The following SMTN variants were observed in gnomAD, a reference collection of about 807,000 sequenced individuals.
SMTN encodes the protein smoothelin.
In SMTN, 58 loss-of-function variants were observed where a neutral mutation model predicts 102.0. The observed-to-expected ratio is 0.57, with a 90% CI of 0.46 to 0.71. SMTN has a LOEUF of 0.71. Among genes scored for constraint, SMTN ranks in the 30% least tolerant of loss-of-function variants. The pLI is 0.00. For missense variants in SMTN, 1,185 were observed against 1,241.7 expected (o/e 0.95, Z 0.69); for synonymous variants, 478 against 497.9 (o/e 0.96, Z 0.53).
At chr22:31,097,240 C>A (rs1030193376) in intron 15 of SMTN, 29 bp from the exon 16 acceptor site, 10 of 1,611,848 alleles carry the variant, frequency 6.2e-6, no homozygotes, top group Non-Finnish European at 8.5e-6. Flanking sequence ...CCCAGGCCCT[C>A]ACCTGGTGCC....
At position 31,088,006 on chromosome 22, in the gene SMTN, C is replaced by T. The variant is rs1422337789; in HGVS notation, c.93C>T (p.Arg31=). The T allele has an allele frequency of 1.2e-6, 2 of 1,610,202 alleles. No homozygotes were observed. Among genetic ancestry groups the T allele is most frequent in the Non-Finnish European group, 8.5e-7 (1 of 1,177,406 alleles). ...ATCTGGCAGAGCGGCGGCGCATCCG[C>T]TCAGCCATCCGGGAACTGCAGCGGC... The part of the protein sequence containing the change: ...TADLAERRRI[R]SAIRELQRQE... Residue 31 remains arginine (R), a synonymous_variant, in exon 3 of 21, where the codon CGC becomes CGT. Transcript: ENST00000333137.
rs1184357619 is a variant in SMTN, at chr22:31,068,304, CA to C, written c.-386+4130del. The C allele has an allele frequency of 2.5e-3, 335 of 136,538 alleles. 1 individual carries two copies. The highest frequency in any genetic ancestry group is 0.011 in the Middle Eastern group (3 of 272). 8.5% of individuals were successfully genotyped at this position (136,538 alleles called of 1,614,324 possible). On this transcript the variant is annotated intron_variant, in intron 1 of 3. Transcript: ENST00000422839. ...GGGTGACAAGAGTGAAACTCCATCT[CA>C]AAAAAAAAAAAATGTTTTAAAGGGA...
At chr22:31,098,584 C>CT (rs2043793075) in intron 16 of SMTN, 83 bp from the exon 17 acceptor site, 4 of 1,408,366 alleles carry the variant, frequency 2.8e-6, no homozygotes, top group Non-Finnish European at 3.9e-6. Context: ...GCTACAAGAC[C>CT]CCCCCTCCTC....
intron 11 of SMTN, chr22:31,093,971 T>G: frequency 1.2e-6 from 1 of 841,568 alleles, no homozygotes; most frequent in Non-Finnish European, 1.8e-6. Context: ...GAGCCTCAGT[T>G]TATCTATCTT....
At chr22:31,099,370 C>G (rs2043889887) in intron 18 of SMTN, 191 bp downstream of exon 18, 1 of 598,062 alleles carries the variant, frequency 1.7e-6, no homozygotes, top group African/African-American at 1.9e-5. Flanking sequence ...ATTCCAGAAT[C>G]AGTGATGAAG....
intron 3 of SMTN, 189 bp from the exon 4 acceptor site, chr22:31,088,324 A>G: frequency 1.3e-6 from 1 of 756,348 alleles, no homozygotes; most frequent in South Asian, 1.8e-5. Flanking sequence ...TGTAGCCAGC[A>G]CGTCTGAGTG....
chr22:31,104,570 A>T lies in SMTN; in HGVS notation c.*275A>T. Reference sequence around the variant, plus strand: ...CCACCGCTGCCCTGTCTGTTGCGACACCCTCCCCCCCACATACACACGCAG... The same window carrying T: ...CCACCGCTGCCCTGTCTGTTGCGACTCCCTCCCCCCCACATACACACGCAG... On this transcript the variant is annotated 3_prime_UTR_variant, in exon 21 of 21. Coordinates refer to ENST00000333137, the MANE Select transcript of SMTN (RefSeq NM_134269.3). 8.8e-7 allele frequency: 1 copy of T among 1,140,456 alleles called. No homozygotes were observed. The allele number at this position is 1,140,456 out of a possible 1,614,324, so 70.6% of individuals were successfully genotyped here.
At chr22:31,082,754 C>CCCCCA in intron 1 of SMTN, 2 of 1,007,736 alleles carry the variant, frequency 2.0e-6, no homozygotes, top group Non-Finnish European at 2.9e-6. Context: ...AGAAGCTGAG[C>CCCCCA]CTGCGGAGTG....
chr22:31,089,062 T>G (rs1365005619), intron 6 of SMTN, 93 bp downstream of exon 6: 1 of 1,036,538 alleles, frequency 9.6e-7, no homozygotes, highest in Non-Finnish European at 1.5e-6. Context: ...GGTATTTCAC[T>G]GTAAGGGGCC....
intron 2 of SMTN, among the ~76,000 whole-genome samples, chr22:31,084,520 G>A (rs371976041): frequency 1.7e-4 from 26 of 152,154 alleles, no homozygotes; most frequent in African/African-American, 6.3e-4. Context: ...ATGAGGTTAG[G>A]TTTCCAAAGG....
upstream of SMTN, among the ~76,000 whole-genome samples, chr22:31,079,519 G>A (rs1486086356): frequency 6.6e-6 from 1 of 152,250 alleles, no homozygotes; most frequent in Non-Finnish European, 1.5e-5. Flanking sequence ...CGCCATTCAG[G>A]CAGGCCCTGA....
intron 11 of SMTN, 95 bp downstream of exon 11, chr22:31,091,942 C>A: frequency 8.5e-7 from 1 of 1,177,358 alleles, no homozygotes; most frequent in Non-Finnish European, 1.2e-6. Context: ...TGCTCCTCCC[C>A]TACTGCACAC....
At chr22:31,087,804 C>G in intron 2 of SMTN, 161 bp from the exon 3 acceptor site, 1 of 660,654 alleles carries the variant, frequency 1.5e-6, no homozygotes, top group Non-Finnish European at 2.4e-6. Flanking sequence ...TGGGCTGGGT[C>G]TACCCCCGGG....
At chr22:31,084,172 C>T (rs1275596283) in intron 2 of SMTN, among the ~76,000 whole-genome samples, 6 of 152,188 alleles carry the variant, frequency 3.9e-5, no homozygotes, top group Non-Finnish European at 7.3e-5. Context: ...CGTAGGGCAA[C>T]CCAGTGGGGC....
intron 1 of SMTN, among the ~76,000 whole-genome samples, chr22:31,073,869 A>G (rs760450430): frequency 6.9e-4 from 105 of 152,314 alleles, no homozygotes; most frequent in Non-Finnish European, 9.3e-4. Flanking sequence ...TTACTCATGT[A>G]TCTGTGGTCA....
chr22:31,073,529 A>G (rs35060453), intron 1 of SMTN, among the ~76,000 whole-genome samples: 18,010 of 152,198 alleles, frequency 0.12, 1,145 homozygotes, highest in African/African-American at 0.13. Flanking sequence ...GATTCCAGGG[A>G]AAGCCTGGGG....
In SMTN at chr22:31,096,805, C is replaced by T. The variant is rs1445153217; in HGVS notation, c.1934C>T (p.Thr645Ile). 5 of 1,572,570 alleles carry T rather than the reference C, an allele frequency of 3.2e-6. No individual in the cohort carries two copies. The African/African-American group carries it at 5.4e-5, about 17-fold the overall frequency. ...CGGCCAGGGGAGGGGCGCGGCAACA[C>T]AGCCACTGAGACCACCACGAGGCAC... Reference protein sequence around the residue: ...RGRPGEGRGNTATETTTRHSQ... With the variant: ...RGRPGEGRGNIATETTTRHSQ... Residue 645 changes from threonine to isoleucine, a missense_variant, in exon 14 of 21, where the codon ACA (threonine) becomes ATA (isoleucine). Transcript: ENST00000333137.
At chr22:31,066,814 G>GTGTGATCATGACT (rs1195013577) in intron 1 of SMTN, 1 of 151,836 alleles carries the variant, frequency 6.6e-6, no homozygotes, top group African/African-American at 2.4e-5. Flanking sequence ...GAGTGCAGTG[G>GTGTGATCATGACT]CACAATCACA....
chr22:31,099,873 C>G lies in SMTN; in HGVS notation c.2580C>G (p.Phe860Leu). The G allele has an allele frequency of 6.2e-7, 1 of 1,614,048 alleles. No homozygotes were observed. Among genetic ancestry groups the G allele is most frequent in the African/African-American group, 1.3e-5 (1 of 75,048 alleles). ...QLSPQNRRQNFEVAFSSAETH... is the reference protein window; with the variant it reads ...QLSPQNRRQNLEVAFSSAETH... ...GCCCTCAGAACCGACGCCAGAACTT[C>G]GAGGTGGCCTTCTCATCTGCGGAGT... is the stretch of plus-strand genomic sequence containing the variant. The change falls in exon 19 of 21, where the codon TTC becomes TTG. Residue 860 changes from phenylalanine (F) to leucine (L), a missense_variant. Physicochemically the swap from Phe to Leu is conservative, Grantham distance 22 (BLOSUM62 0). Transcript: ENST00000333137.
Sources: gnomAD v4.1 joint callset for allele counts (sites outside exome capture counted in the v4.1 genomes callset) on GRCh38, gnomAD v4.1.1 for gene constraint, MANE v1.5 for transcripts, NCBI Gene and HGNC (gene_info 2026-07-23, HGNC 2026-07-21) for gene names.